IGF2BP2: variants seen among roughly 807,000 people sequenced by gnomAD.
IGF2BP2 encodes the protein insulin like growth factor 2 mRNA binding protein 2, also known as insulin-like growth factor 2 mRNA-binding protein 2.
In IGF2BP2, 17 loss-of-function variants were observed where a neutral mutation model predicts 75.8. The observed-to-expected ratio is 0.22, with a 90% CI of 0.15 to 0.34. The LOEUF (loss-of-function observed/expected upper bound fraction) is 0.34. IGF2BP2 is among the 10% of genes least tolerant of loss of function. The probability of loss-of-function intolerance (pLI) is 1.00; values close to 1 mark genes in which losing one functional copy is unlikely to be tolerated. For missense variants in IGF2BP2, 516 were observed against 772.4 expected, an observed-to-expected ratio of 0.67 and a Z score of 3.93; for synonymous variants, 288 against 295.6, an observed-to-expected ratio of 0.97 and a Z score of 0.26.
At chr3:185,738,449 A>G (rs1207685027) in intron 2 of IGF2BP2, among the ~76,000 whole-genome samples, 1 of 152,192 alleles carries the variant, frequency 6.6e-6, no homozygotes, top group Non-Finnish European at 1.5e-5. Context: ...GGAACAGCCT[A>G]GGGGAGTCAG....
chr3:185,649,523 C>G lies in IGF2BP2; in HGVS notation c.1473G>C (p.Arg491=), dbSNP rs781125157. The G allele has an allele frequency of 5.6e-6, 9 of 1,614,184 alleles. No homozygotes were observed. Among genetic ancestry groups the G allele is most frequent in the Non-Finnish European group, 6.8e-6 (8 of 1,180,022 alleles). ...TTTCCTCTTTCAGTTTCCCAAAGAT[C>G]CGTCCCTGGGCCTGAGAGAGCAAGA... The part of the protein sequence containing the change: ...PPEAQFKAQG[R]IFGKLKEENF... Residue 491 remains arginine (R), a synonymous_variant, in exon 14 of 16, where the codon CGG becomes CGC. Transcript: ENST00000382199.
chr3:185,758,069 A>C (rs1240679001), intron 2 of IGF2BP2, among the ~76,000 whole-genome samples: 1 of 152,248 alleles, frequency 6.6e-6, no homozygotes, highest in African/African-American at 2.4e-5. Context: ...TGCCTTAGGC[A>C]CTGAGAGCAC....
At chr3:185,811,594 A>C (rs1181757845) in intron 2 of IGF2BP2, among the ~76,000 whole-genome samples, 2 of 152,194 alleles carry the variant, frequency 1.3e-5, no homozygotes, top group Non-Finnish European at 2.9e-5. Context: ...CACTGGCCCT[A>C]CATTTCCAAA....
intron 2 of IGF2BP2, among the ~76,000 whole-genome samples, chr3:185,705,240 G>A (rs1456189413): frequency 6.6e-6 from 1 of 152,202 alleles, no homozygotes; most frequent in Non-Finnish European, 1.5e-5. Flanking sequence ...GGGACTACAG[G>A]TGCGTACCAC....
intron 2 of IGF2BP2, chr3:185,722,305 C>T (rs1298286061): frequency 2.2e-6 from 1 of 455,122 alleles, no homozygotes. Context: ...TCAGGATATG[C>T]CACTGCAGAG....
intron 2 of IGF2BP2, among the ~76,000 whole-genome samples, chr3:185,807,830 A>G (rs889405715): frequency 6.6e-6 from 1 of 152,256 alleles, no homozygotes; most frequent in Non-Finnish European, 1.5e-5. Flanking sequence ...GAGTAAGCTT[A>G]GTAGCCAACC....
chr3:185,728,320 T>G (rs1425574221), intron 2 of IGF2BP2: 3 of 152,308 alleles, frequency 2.0e-5, no homozygotes, highest in Non-Finnish European at 4.4e-5. Flanking sequence ...GCGCCTTGAC[T>G]CGGGTGGCAA....
chr3:185,692,645 A>T (rs1032702501), intron 5 of IGF2BP2, 54 bp downstream of exon 5: 47 of 1,421,570 alleles, frequency 3.3e-5, no homozygotes, highest in Middle Eastern at 1.8e-4. Flanking sequence ...ACTCAATGGA[A>T]TTCAAATATA....
At chr3:185,694,200 C>T (rs1490835269) in intron 4 of IGF2BP2, among the ~76,000 whole-genome samples, 1 of 152,158 alleles carries the variant, frequency 6.6e-6, no homozygotes, top group Non-Finnish European at 1.5e-5. Context: ...GAAGTCCTCA[C>T]AGTGCAAAAC....
intron 2 of IGF2BP2, among the ~76,000 whole-genome samples, chr3:185,819,898 T>C (rs1176466110): frequency 6.6e-6 from 1 of 152,016 alleles, no homozygotes; most frequent in African/African-American, 2.4e-5. Flanking sequence ...ATGTAGTACA[T>C]ACAAGCAAAA....
At chr3:185,663,219 C>T (rs1457819151) in intron 10 of IGF2BP2, among the ~76,000 whole-genome samples, 3 of 152,194 alleles carry the variant, frequency 2.0e-5, no homozygotes, top group Non-Finnish European at 4.4e-5. Flanking sequence ...TGGAGAGTCC[C>T]ACCTATTTTA....
chr3:185,662,426 C>T (rs546813765), intron 10 of IGF2BP2, among the ~76,000 whole-genome samples: 5 of 148,376 alleles, frequency 3.4e-5, no homozygotes, highest in South Asian at 4.3e-4. Context: ...TGCAGTGAGC[C>T]GAGATCATGC....
At chr3:185,798,787 CTTTTTTTCTTTTTT>C (rs1737784153) in intron 2 of IGF2BP2, among the ~76,000 whole-genome samples, 1 of 133,142 alleles carries the variant, frequency 7.5e-6, no homozygotes, top group African/African-American at 3.1e-5. Context: ...TTTCTTTTTT[CTTTTTTTCTTTTTT>C]TTTTTTGAGA....
chr3:185,734,549 C>T (rs938777289), intron 2 of IGF2BP2, among the ~76,000 whole-genome samples: 4 of 152,156 alleles, frequency 2.6e-5, no homozygotes, highest in Admixed American at 1.3e-4. Flanking sequence ...TTGTTAAAAA[C>T]GAGTGAAAGC....
intron 2 of IGF2BP2, among the ~76,000 whole-genome samples, chr3:185,775,996 C>T (rs1734488080): frequency 6.6e-6 from 1 of 152,202 alleles, no homozygotes; most frequent in South Asian, 2.1e-4. Flanking sequence ...GCAATCCCAG[C>T]ACTTTGGGTG....
At chr3:185,708,087 T>C (rs775634256) in intron 2 of IGF2BP2, among the ~76,000 whole-genome samples, 1 of 152,196 alleles carries the variant, frequency 6.6e-6, no homozygotes, top group Non-Finnish European at 1.5e-5. Context: ...CCTTACCCTT[T>C]TGAACTAGGT....
intron 2 of IGF2BP2, among the ~76,000 whole-genome samples, chr3:185,815,889 G>T (rs537446724): frequency 1.3e-5 from 2 of 152,088 alleles, no homozygotes; most frequent in African/African-American, 4.8e-5. Context: ...TTTTTTGTGC[G>T]ATTATAAAAT....
chr3:185,679,508 TTAC>T (rs1211113953), intron 7 of IGF2BP2, among the ~76,000 whole-genome samples: 1 of 152,226 alleles, frequency 6.6e-6, no homozygotes, highest in African/African-American at 2.4e-5. Context: ...ACAGTACAGG[TTAC>T]TATATTTGTT....
chr3:185,780,212 G>T (rs1025953086), intron 2 of IGF2BP2, among the ~76,000 whole-genome samples: 1 of 152,302 alleles, frequency 6.6e-6, no homozygotes, highest in Admixed American at 6.5e-5. Flanking sequence ...AAGAGAAAAG[G>T]TCTGGAAAGA....
Sources: gnomAD v4.1 joint callset for allele counts (sites outside exome capture counted in the v4.1 genomes callset) on GRCh38, gnomAD v4.1.1 for gene constraint, MANE v1.5 for transcripts, NCBI Gene and HGNC (gene_info 2026-07-23, HGNC 2026-07-21) for gene names.